ZNF407: variants seen among roughly 807,000 people sequenced by gnomAD.
ZNF407 encodes zinc finger protein 407.
Under a neutral mutation model 131.2 loss-of-function variants are expected in ZNF407, and 17 were observed. That is an observed-to-expected ratio of 0.13 (90% confidence interval 0.09 to 0.19). The LOEUF is 0.19. ZNF407 is among the 10% of genes least tolerant of loss of function. The probability of loss-of-function intolerance (pLI) is 1.00; values close to 1 mark genes in which losing one functional copy is unlikely to be tolerated. For synonymous variants in ZNF407, 1,156 were observed against 1,062.0 expected (o/e 1.09, Z -1.72); for missense variants, 2,681 against 2,830.6 (o/e 0.95, Z 1.20).
At chr18:74,907,546 C>G (rs1292537989) in intron 7 of ZNF407, among the ~76,000 whole-genome samples, 1 of 152,142 alleles carries the variant, frequency 6.6e-6, no homozygotes, top group Non-Finnish European at 1.5e-5. Context: ...TCTCTTTCCC[C>G]TGATCAGGCT....
At position 75,064,228 on chromosome 18, in the gene ZNF407, C is replaced by T; in HGVS notation, c.6507C>T (p.His2169=). 1.2e-6 allele frequency: 2 copies of T among 1,607,430 alleles called. No individual in the cohort carries two copies. Among genetic ancestry groups the T allele is most frequent in the Non-Finnish European group, 8.5e-7 (1 of 1,178,446 alleles). The part of the protein sequence containing the change: ...SSGGFSEGTT[H]YILTELPPGV... ...GCGGCTTCTCCGAGGGCACCACGCA[C>T]TACATCCTGACAGAGCTGCCCCCAG... Residue 2169 remains histidine, a synonymous_variant, in exon 9 of 9, where the codon CAC becomes CAT. Transcript: ENST00000299687.
Position 74,635,003 on chromosome 18 carries a change from T to C in ZNF407, c.3984T>C (p.Asp1328=). The change falls in exon 2 of 9, where the codon GAT becomes GAC. Residue 1328 remains aspartate, a synonymous_variant. Transcript: ENST00000299687. This position sits in a 1 kb window ranked among gnomAD's most constrained non-coding sequence, Gnocchi z 4.7. ...FILEEDGPAS[D]STVESSDVYE... is the part of the protein sequence containing the mutation. ...TGGAGGAGGATGGCCCAGCTTCTGA[T>C]AGCACAGTTGAAAGTAGTGATGTCT... The C allele has an allele frequency of 1.9e-6, 3 of 1,614,044 alleles. No homozygotes were observed. Among genetic ancestry groups the C allele is most frequent in the African/African-American group, 2.7e-5 (2 of 75,064 alleles).
At chr18:74,872,763 A>AAC (rs1014811982) in intron 4 of ZNF407, among the ~76,000 whole-genome samples, 2 of 119,988 alleles carry the variant, frequency 1.7e-5, no homozygotes, top group African/African-American at 5.1e-5. Flanking sequence ...TCAAAAAAAA[A>AAC]AAGAAAAAAA....
Position 75,064,232 on chromosome 18 carries a change from A to C in ZNF407, c.6511A>C (p.Ile2171Leu), listed in dbSNP as rs1360381480. ...CTTCTCCGAGGGCACCACGCACTAC[A>C]TCCTGACAGAGCTGCCCCCAGGGGT... ...GGFSEGTTHY[I>L]LTELPPGVQD... Residue 2171 changes from isoleucine (I) to leucine (L), a missense_variant, in exon 9 of 9, where the codon ATC becomes CTC. Coordinates refer to ENST00000299687, the MANE Select transcript of ZNF407 (RefSeq NM_017757.3). 2 of 1,607,326 alleles carry C rather than the reference A, an allele frequency of 1.2e-6. No individual in the cohort carries two copies. The highest frequency in any genetic ancestry group is 2.2e-5 in the East Asian group (1 of 44,678).
intron 4 of ZNF407, among the ~76,000 whole-genome samples, chr18:74,863,853 C>T (rs1351185371): frequency 6.6e-6 from 1 of 152,140 alleles, no homozygotes; most frequent in Non-Finnish European, 1.5e-5. Flanking sequence ...ACTATTCCAC[C>T]ACCTTTGCAT....
intron 3 of ZNF407, among the ~76,000 whole-genome samples, chr18:74,777,208 T>C (rs1019996368): frequency 6.6e-6 from 1 of 152,176 alleles, no homozygotes; most frequent in African/African-American, 2.4e-5. Context: ...TTTTGAAATA[T>C]TGTTAAAATA....
At chr18:74,816,976 T>TAA (rs1391082136) in intron 4 of ZNF407, among the ~76,000 whole-genome samples, 1 of 152,198 alleles carries the variant, frequency 6.6e-6, no homozygotes, top group East Asian at 1.9e-4. Flanking sequence ...TATCTTTGAA[T>TAA]AAAATCTTGT....
At position 74,853,165 on chromosome 18, in the gene ZNF407, T is replaced by C. The variant is rs115951723; in HGVS notation, c.4878-24032T>C. Among the ~76,000 whole-genome samples, 270 of 152,330 alleles carry C rather than the reference T, an allele frequency of 1.8e-3. 1 individual carries two copies. Among genetic ancestry groups the C allele is most frequent in the African/African-American group, 6.3e-3 (262 of 41,582 alleles). On this transcript the variant is annotated intron_variant, in intron 4 of 8. Transcript: ENST00000299687. ...CACTAGATTAGAATGGCTTTTATCA[T>C]ATCTGAATTGTCAGAGAGCTTGCAA... is the stretch of plus-strand genomic sequence containing the variant.
chr18:74,857,481 C>T (rs776721806), intron 4 of ZNF407, among the ~76,000 whole-genome samples: 1 of 152,006 alleles, frequency 6.6e-6, no homozygotes, highest in Non-Finnish European at 1.5e-5. Context: ...AGGCACTAGG[C>T]TAGGCTCTGG....
At chr18:75,040,661 C>G (rs892238111) in intron 8 of ZNF407, among the ~76,000 whole-genome samples, 2 of 152,188 alleles carry the variant, frequency 1.3e-5, no homozygotes, top group African/African-American at 4.8e-5. Flanking sequence ...GATAGACCCT[C>G]TTTGCCAGTT....
chr18:74,686,419 G>A (rs1253993536), intron 3 of ZNF407, among the ~76,000 whole-genome samples: 4 of 152,148 alleles, frequency 2.6e-5, no homozygotes, highest in Admixed American at 2.0e-4. Context: ...TCATGTATCA[G>A]TGAAACTTTC....
chr18:74,847,426 T>C (rs1970717601), intron 4 of ZNF407, among the ~76,000 whole-genome samples: 1 of 152,222 alleles, frequency 6.6e-6, no homozygotes, highest in Non-Finnish European at 1.5e-5. Flanking sequence ...CTGTTATCGT[T>C]GAATTATTAA....
intron 3 of ZNF407, among the ~76,000 whole-genome samples, chr18:74,667,699 G>A (rs568253384): frequency 1.3e-5 from 2 of 152,286 alleles, no homozygotes; most frequent in East Asian, 3.9e-4. Context: ...CCCCATCTAA[G>A]GTCGTCTTGA....
At chr18:74,847,808 A>G (rs1353040215) in intron 4 of ZNF407, among the ~76,000 whole-genome samples, 5 of 152,144 alleles carry the variant, frequency 3.3e-5, no homozygotes, top group Admixed American at 1.3e-4. Flanking sequence ...TCATTTAAAA[A>G]TAATCATGTT....
chr18:74,703,333 C>G lies in ZNF407; in HGVS notation c.4802+62211C>G, dbSNP rs935476593. Among the ~76,000 whole-genome samples, 4 of 151,906 alleles carry G rather than the reference C, an allele frequency of 2.6e-5. No homozygotes were observed. The highest frequency in any genetic ancestry group is 2.9e-5 in the Non-Finnish European group (2 of 68,006). The stretch of plus-strand genomic sequence containing the variant: ...ACCACAGAGAGTTTTAGATCTCTCT[C>G]TCTCTCTCCCCATGTGTGTCTCTGT... On this transcript the variant is annotated intron_variant, in intron 3 of 8. Coordinates refer to ENST00000299687, the MANE Select transcript of ZNF407 (RefSeq NM_017757.3). This position sits in a 1 kb window ranked among gnomAD's most constrained non-coding sequence, Gnocchi z 4.1.
chr18:74,997,955 C>T (rs1972798941), intron 8 of ZNF407, among the ~76,000 whole-genome samples: 1 of 152,236 alleles, frequency 6.6e-6, no homozygotes, highest in South Asian at 2.1e-4. Flanking sequence ...ATGCCTTACA[C>T]TTGTACCCTG....
chr18:74,935,045 G>A (rs550464916), intron 8 of ZNF407, among the ~76,000 whole-genome samples: 1 of 152,152 alleles, frequency 6.6e-6, no homozygotes, highest in Non-Finnish European at 1.5e-5. Context: ...TAACATATGT[G>A]ACCTCGATTC....
In ZNF407 at chr18:74,849,140, G is replaced by A. The variant is rs568751364; in HGVS notation, c.4878-28057G>A. Among the ~76,000 whole-genome samples the A allele has an allele frequency of 4.0e-5, 6 of 149,778 alleles. No homozygotes were observed. The East Asian group carries it at 6.0e-4, about 15-fold the overall frequency. On this transcript the variant is annotated intron_variant, in intron 4 of 8. Transcript: ENST00000299687. Reference sequence around the variant, plus strand: ...GTCACTCAGGCTGGAGTGCAGTGGCGCAATCTCGGCTCACTGCAACCTCCG... The same window carrying A: ...GTCACTCAGGCTGGAGTGCAGTGGCACAATCTCGGCTCACTGCAACCTCCG...
chr18:74,869,728 T>C (rs1008368188), intron 4 of ZNF407, among the ~76,000 whole-genome samples: 1 of 152,198 alleles, frequency 6.6e-6, no homozygotes, highest in South Asian at 2.1e-4. Context: ...CCACTGCCTG[T>C]TTCTGTCAAG....
Sources: gnomAD v4.1 joint callset for allele counts (sites outside exome capture counted in the v4.1 genomes callset) on GRCh38, gnomAD v4.1.1 for gene constraint, Gnocchi (gnomAD v3.1) non-coding constraint, MANE v1.5 for transcripts, NCBI Gene and HGNC (gene_info 2026-07-23, HGNC 2026-07-21) for gene names.